The following COL13A1 variants were observed in gnomAD, a reference collection of about 807,000 sequenced individuals.
COL13A1 encodes the protein collagen alpha-1(XIII) chain.
A neutral mutation model predicts 130.9 loss-of-function variants in COL13A1; 89 were observed. The observed-to-expected ratio is 0.68, with a 90% CI of 0.57 to 0.81. The LOEUF (loss-of-function observed/expected upper bound fraction) is 0.81, where lower values mean the gene tolerates loss of function less well. Among genes scored for constraint, COL13A1 ranks in the 30% least tolerant of loss-of-function variants. The pLI is 0.00. For synonymous variants in COL13A1, 402 were observed against 341.6 expected (o/e 1.18, Z -1.95); for missense variants, 879 against 934.6 (o/e 0.94, Z 0.78).
At chr10:69,846,682 T>G (rs1196223625) in intron 2 of COL13A1, among the ~76,000 whole-genome samples, 1 of 152,116 alleles carries the variant, frequency 6.6e-6, no homozygotes, top group Non-Finnish European at 1.5e-5. Flanking sequence ...CGTCTTAACC[T>G]TCCTCCCTCC....
At chr10:69,881,345 C>T (rs2060119165) in intron 7 of COL13A1, among the ~76,000 whole-genome samples, 1 of 152,058 alleles carries the variant, frequency 6.6e-6, no homozygotes, top group South Asian at 2.1e-4. Context: ...AACCGAGGAG[C>T]CCCGGCCTCA....
chr10:69,842,720 C>G (rs1033258138), intron 2 of COL13A1, among the ~76,000 whole-genome samples: 7 of 152,236 alleles, frequency 4.6e-5, no homozygotes, highest in Non-Finnish European at 1.0e-4. Flanking sequence ...CAGATGCTGG[C>G]CTCAGTGTGC....
In COL13A1 at chr10:69,900,375, C is replaced by T. The variant is rs556099619; in HGVS notation, c.750+1613C>T. Among the ~76,000 whole-genome samples, 5 of 152,330 alleles carry T rather than the reference C, an allele frequency of 3.3e-5. No homozygotes were observed. The South Asian group carries it at 8.3e-4, about 25-fold the overall frequency. On this transcript the variant is annotated intron_variant, in intron 14 of 40. Coordinates refer to ENST00000645393, the MANE Select transcript of COL13A1 (RefSeq NM_001368882.1). ...TCCCCCGCTTTACAAAGGAAGAACT[C>T]AAGAGGGGTGCAGGATTCCATCCAG...
intron 2 of COL13A1, among the ~76,000 whole-genome samples, chr10:69,834,805 A>G (rs1397373257): frequency 1.3e-5 from 2 of 152,174 alleles, no homozygotes; most frequent in Non-Finnish European, 2.9e-5. Context: ...GGGATGCAGG[A>G]TGCCTCATGG....
chr10:69,849,643 G>C (rs560710930), intron 2 of COL13A1, among the ~76,000 whole-genome samples: 2 of 152,222 alleles, frequency 1.3e-5, no homozygotes, highest in African/African-American at 4.8e-5. Flanking sequence ...CTTCTGTTGT[G>C]TTTGGGGGCT....
intron 2 of COL13A1, among the ~76,000 whole-genome samples, chr10:69,836,207 C>T (rs964523140): frequency 2.0e-5 from 3 of 152,252 alleles, no homozygotes; most frequent in Non-Finnish European, 4.4e-5. Context: ...AGGGGAAACA[C>T]ACGGGTAACT....
At chr10:69,863,803 A>G (rs1184439737) in intron 2 of COL13A1, among the ~76,000 whole-genome samples, 2 of 152,186 alleles carry the variant, frequency 1.3e-5, no homozygotes, top group Admixed American at 6.5e-5. Context: ...TAAGCCAGGC[A>G]TGGTGACTCA....
At chr10:69,944,306 C>G in intron 36 of COL13A1, 128 bp downstream of exon 36, 1 of 810,484 alleles carries the variant, frequency 1.2e-6, no homozygotes, top group African/African-American at 1.7e-5. Flanking sequence ...TCACAGCAGC[C>G]TGGGACAGGG....
intron 31 of COL13A1, among the ~76,000 whole-genome samples, chr10:69,933,247 C>G (rs891809113): frequency 1.3e-5 from 2 of 149,938 alleles, no homozygotes; most frequent in African/African-American, 4.9e-5. Context: ...GGCAAGCATC[C>G]CAAAAGACTT....
chr10:69,932,018 C>CTGT (rs2066182954), intron 30 of COL13A1, among the ~76,000 whole-genome samples: 1 of 152,096 alleles, frequency 6.6e-6, no homozygotes, highest in Non-Finnish European at 1.5e-5. Flanking sequence ...TAGAGGCCAC[C>CTGT]TACAGTTCCT....
At chr10:69,813,460 G>C (rs10998979) in intron 1 of COL13A1, among the ~76,000 whole-genome samples, 23,812 of 152,222 alleles carry the variant, frequency 0.16, 1,971 homozygotes, top group Admixed American at 0.25. Context: ...CCACATCTGT[G>C]TGTGGTTCTG....
intron 14 of COL13A1, among the ~76,000 whole-genome samples, chr10:69,901,361 G>A (rs1156596246): frequency 1.3e-5 from 2 of 152,222 alleles, no homozygotes; most frequent in East Asian, 1.9e-4. Flanking sequence ...AAAAGATGGT[G>A]CAAGCAGGTC....
At chr10:69,836,435 C>T (rs1294196988) in intron 2 of COL13A1, among the ~76,000 whole-genome samples, 1 of 152,176 alleles carries the variant, frequency 6.6e-6, no homozygotes, top group African/African-American at 2.4e-5. Flanking sequence ...CAGAAGGGAC[C>T]CCAGAGCTCA....
At chr10:69,945,452 G>A (rs2068358041) in intron 36 of COL13A1, among the ~76,000 whole-genome samples, 1 of 152,206 alleles carries the variant, frequency 6.6e-6, no homozygotes, top group Non-Finnish European at 1.5e-5. Context: ...GGCCTTGGGG[G>A]ATAGGCTCTG....
chr10:69,897,905 C>T (rs2061814251), intron 13 of COL13A1, among the ~76,000 whole-genome samples: 1 of 152,224 alleles, frequency 6.6e-6, no homozygotes, highest in African/African-American at 2.4e-5. Context: ...GAAGCTGCAA[C>T]AATTTCCAGA....
chr10:69,922,857 T>C (rs969445947), intron 23 of COL13A1, 63 bp downstream of exon 23: 8 of 1,176,008 alleles, frequency 6.8e-6, no homozygotes, highest in Non-Finnish European at 9.5e-6. Flanking sequence ...CTTCAGCCTG[T>C]TCTCGGGGAC....
In COL13A1 at chr10:69,936,762, C is replaced by T. The variant is rs369245095; in HGVS notation, c.1777C>T (p.Gln593Ter). 6.2e-7 allele frequency: 1 copy of T among 1,613,770 alleles called. No individual in the cohort carries two copies. Among genetic ancestry groups the T allele is most frequent in the Non-Finnish European group, 8.5e-7 (1 of 1,179,862 alleles). The change falls in exon 33 of 41, where the codon CAA becomes TAA. Residue 593 changes from glutamine (Q) to a stop codon, truncating the protein, a stop_gained. Transcript: ENST00000645393. LOFTEE classifies it high-confidence loss of function. ...PEGPPGPPGL[Q>*]GVPGPKGEAG... ...TGCTTTATTCCAAATGCAGGGGCTCCAAGGTGTTCCTGGACCAAAGGTAAG... is the reference window on the plus strand; with the variant it reads ...TGCTTTATTCCAAATGCAGGGGCTCTAAGGTGTTCCTGGACCAAAGGTAAG...
At chr10:69,823,991 C>A in intron 2 of COL13A1, 1 of 428,018 alleles carries the variant, frequency 2.3e-6, no homozygotes, top group Non-Finnish European at 4.9e-6. Context: ...AACTCTTGGG[C>A]AATGACAACC....
chr10:69,834,502 T>C (rs1483275402), intron 2 of COL13A1, among the ~76,000 whole-genome samples: 1 of 152,166 alleles, frequency 6.6e-6, no homozygotes, highest in Non-Finnish European at 1.5e-5. Flanking sequence ...CCATGGCATA[T>C]ATTCAACAGA....
Sources: allele counts gnomAD v4.1 joint callset (sites outside exome capture counted in the v4.1 genomes callset), GRCh38; gene constraint gnomAD v4.1.1; transcripts MANE v1.5; gene names NCBI Gene and HGNC (gene_info 2026-07-23, HGNC 2026-07-21).